RBFOX1: variants seen among roughly 807,000 people sequenced by gnomAD.
The protein encoded by RBFOX1 is RNA binding fox-1 homolog 1.
RBFOX1 carries 8 observed loss-of-function variants against 57.7 expected under a neutral mutation model. The ratio of observed to expected loss-of-function variants is 0.14; its 90% confidence interval spans 0.08 to 0.25. The LOEUF (loss-of-function observed/expected upper bound fraction) is 0.25, where lower values mean the gene tolerates loss of function less well. RBFOX1 is among the 10% of genes least tolerant of loss of function. The pLI is 1.00. For missense variants in RBFOX1, 611 were observed against 548.5 expected (o/e 1.11, Z -1.14); for synonymous variants, 326 against 222.4 (o/e 1.47, Z -4.15).
chr16:5,397,993 G>C (rs1429285760), intron 1 of RBFOX1, among the ~76,000 whole-genome samples: 2 of 152,214 alleles, frequency 1.3e-5, no homozygotes, highest in Admixed American at 6.5e-5. Context: ...GGAAGAGACA[G>C]ATGTTAAATA....
chr16:6,637,206 ATATAT>A lies in RBFOX1; in HGVS notation c.-63-17396_-63-17392del, dbSNP rs1176325011. Among the ~76,000 whole-genome samples the A allele has an allele frequency of 4.1e-3, 257 of 62,720 alleles. 58 individuals are homozygous for A. The highest frequency in any genetic ancestry group is 0.019 in the African/African-American group (251 of 12,920). 41.1% of individuals were successfully genotyped at this position (62,720 alleles called of 152,430 possible). A position where few individuals can be genotyped will look rare whatever the true frequency, so the allele number is the denominator to read the frequency against. Reference sequence around the variant, plus strand: ...TAATATACAATATATATTATATATTATATATATTATATAATATACAATATATATTA... The same window carrying A: ...TAATATACAATATATATTATATATTAATTATATAATATACAATATATATTA... On this transcript the variant is annotated intron_variant, in intron 2 of 15. Coordinates refer to ENST00000550418, the MANE Select transcript of RBFOX1 (RefSeq NM_018723.4).
At chr16:5,943,927 TCTTTC>T (rs1269793631) in intron 4 of RBFOX1, among the ~76,000 whole-genome samples, 1 of 151,064 alleles carries the variant, frequency 6.6e-6, no homozygotes, top group Non-Finnish European at 1.5e-5. Flanking sequence ...TCCTCCTCTG[TCTTTC>T]CTTCTATTTT....
chr16:6,322,944 C>A (rs187883076), intron 2 of RBFOX1, among the ~76,000 whole-genome samples: 2 of 152,128 alleles, frequency 1.3e-5, no homozygotes, highest in Non-Finnish European at 2.9e-5. Flanking sequence ...TCCCTGGCCA[C>A]CAACCACCCC....
At chr16:5,880,659 A>T (rs1321733253) in intron 4 of RBFOX1, among the ~76,000 whole-genome samples, 1 of 152,104 alleles carries the variant, frequency 6.6e-6, no homozygotes, top group Non-Finnish European at 1.5e-5. Flanking sequence ...CTGTGTGTGT[A>T]TGGGATTGTG....
At chr16:7,680,947 C>G (rs193085494) in intron 14 of RBFOX1, among the ~76,000 whole-genome samples, 3 of 152,148 alleles carry the variant, frequency 2.0e-5, no homozygotes, top group Admixed American at 2.0e-4. Context: ...TCACAAGGGA[C>G]TTATAAGTGT....
At chr16:5,934,180 T>G (rs2059123889) in intron 4 of RBFOX1, among the ~76,000 whole-genome samples, 1 of 152,252 alleles carries the variant, frequency 6.6e-6, no homozygotes, top group African/African-American at 2.4e-5. Context: ...TGCTGCTGTT[T>G]CGTTGGCCTT....
At chr16:5,310,984 C>G (rs1473766268) in intron 1 of RBFOX1, among the ~76,000 whole-genome samples, 1 of 152,098 alleles carries the variant, frequency 6.6e-6, no homozygotes, top group Non-Finnish European at 1.5e-5. Context: ...TTTCTTATTC[C>G]TCACCCCCAC....
At chr16:6,025,007 T>A (rs1325286678) in intron 1 of RBFOX1, among the ~76,000 whole-genome samples, 1 of 152,182 alleles carries the variant, frequency 6.6e-6, no homozygotes, top group African/African-American at 2.4e-5. Flanking sequence ...ATCATACAGT[T>A]GAAGGTTGGT....
intron 4 of RBFOX1, among the ~76,000 whole-genome samples, chr16:7,357,435 G>C (rs2097237918): frequency 2.6e-5 from 4 of 152,174 alleles, no homozygotes; most frequent in Admixed American, 2.6e-4. Flanking sequence ...ATGAATTGCA[G>C]TGGAACCATC....
In RBFOX1 at chr16:6,170,859, C is replaced by A. The variant is rs139593313; in HGVS notation, c.-126-146136C>A. ...TGCGGTATTTGGTTTTCTGTTCCTGCCTTAGTTTGCTAAATATAATGGCCT... is the reference window on the plus strand; with the variant it reads ...TGCGGTATTTGGTTTTCTGTTCCTGACTTAGTTTGCTAAATATAATGGCCT... On this transcript the variant is annotated intron_variant, in intron 1 of 15. Transcript: ENST00000550418. 6.1e-3 allele frequency among the ~76,000 whole-genome samples: 924 copies of A among 152,218 alleles called. 4 individuals carry two copies. The highest frequency in any genetic ancestry group is 0.044 in the Middle Eastern group (13 of 294).
chr16:7,190,155 G>A (rs1049179858), intron 4 of RBFOX1, among the ~76,000 whole-genome samples: 1 of 152,268 alleles, frequency 6.6e-6, no homozygotes, highest in South Asian at 2.1e-4. Flanking sequence ...TAGGTCAGGA[G>A]TTCGAGACCA....
chr16:6,443,845 CCCATCCATCCATCCAT>C (rs941937640), intron 2 of RBFOX1, among the ~76,000 whole-genome samples: 2 of 147,366 alleles, frequency 1.4e-5, no homozygotes, highest in African/African-American at 2.7e-5. Flanking sequence ...CATCCATGCA[CCCATCCATCCATCCAT>C]CCATCCATCC....
At chr16:6,543,145 A>G (rs2096847203) in intron 2 of RBFOX1, among the ~76,000 whole-genome samples, 1 of 152,202 alleles carries the variant, frequency 6.6e-6, no homozygotes, top group Non-Finnish European at 1.5e-5. Context: ...AAAATGTGGC[A>G]CATTTGTACC....
chr16:5,845,812 C>T (rs1246526059), intron 3 of RBFOX1, among the ~76,000 whole-genome samples: 1 of 152,152 alleles, frequency 6.6e-6, no homozygotes, highest in African/African-American at 2.4e-5. Flanking sequence ...AGAGAGGTCC[C>T]TCAGACAGCA....
intron 2 of RBFOX1, among the ~76,000 whole-genome samples, chr16:6,450,805 A>ATACATATATATATATGTATATATATATG (rs2094587174): frequency 7.5e-5 from 1 of 13,268 alleles, no homozygotes; most frequent in Non-Finnish European, 1.1e-4. Context: ...ATATATGTAT[A>ATACATATATATATATGTATATATATATG]TATATATATA....
At chr16:5,538,238 C>G (rs1299678113) in intron 2 of RBFOX1, among the ~76,000 whole-genome samples, 1 of 152,196 alleles carries the variant, frequency 6.6e-6, no homozygotes. Context: ...AATGACACCT[C>G]TTACACTTGA....
chr16:7,020,339 C>T (rs62016458), intron 3 of RBFOX1, among the ~76,000 whole-genome samples: 18,997 of 152,012 alleles, frequency 0.12, 1,242 homozygotes, highest in Middle Eastern at 0.17. Context: ...GATTCTCCTG[C>T]CTCAGCCTAC....
intron 5 of RBFOX1, among the ~76,000 whole-genome samples, chr16:7,534,495 A>G (rs1414333798): frequency 6.6e-6 from 1 of 151,978 alleles, no homozygotes; most frequent in African/African-American, 2.4e-5. Context: ...AGAATACGGT[A>G]AGCCCCAGGA....
intron 4 of RBFOX1, among the ~76,000 whole-genome samples, chr16:7,062,461 G>T (rs1431257866): frequency 4.0e-5 from 6 of 151,698 alleles, no homozygotes; most frequent in Admixed American, 3.9e-4. Flanking sequence ...GCAAGCATGT[G>T]CTTCCTTGTT....
Sources: gnomAD v4.1 joint callset for allele counts (sites outside exome capture counted in the v4.1 genomes callset) on GRCh38, gnomAD v4.1.1 for gene constraint, MANE v1.5 for transcripts, NCBI Gene and HGNC (gene_info 2026-07-23, HGNC 2026-07-21) for gene names.